Variants in SPOP observed in about 807,000 individuals in gnomAD.
SPOP encodes speckle-type POZ protein.
A neutral mutation model predicts 45.6 loss-of-function variants in SPOP; 11 were observed. That is an observed-to-expected ratio of 0.24 (90% CI 0.15 to 0.40). The LOEUF is 0.40. Ranked by LOEUF, SPOP falls within the 10% of genes least tolerant of loss-of-function variation. The pLI is 1.00. For missense variants in SPOP, 152 were observed against 465.6 expected (o/e 0.33, Z 6.20); for synonymous variants, 166 against 166.3 (o/e 1.00, Z 0.01).
chr17:49,645,960 T>G (rs905889808), intron 1 of SPOP, among the ~76,000 whole-genome samples: 2 of 152,008 alleles, frequency 1.3e-5, no homozygotes, highest in Non-Finnish European at 2.9e-5. Flanking sequence ...TTTTCACTTC[T>G]TAAAGGAAAA....
At chr17:49,615,515 T>TA (rs1482852331) in intron 5 of SPOP, among the ~76,000 whole-genome samples, 39 of 152,238 alleles carry the variant, frequency 2.6e-4, no homozygotes, top group African/African-American at 7.7e-4. Context: ...TTTATTTATT[T>TA]TTTAACAGAC....
At chr17:49,622,924 C>A in intron 1 of SPOP, 48 bp from the exon 2 acceptor site, 1 of 843,704 alleles carries the variant, frequency 1.2e-6, no homozygotes. Flanking sequence ...TATTAAGATA[C>A]GATCCTAACT....
At chr17:49,608,728 C>A (rs1263329001) in intron 6 of SPOP, among the ~76,000 whole-genome samples, 1 of 152,098 alleles carries the variant, frequency 6.6e-6, no homozygotes, top group Non-Finnish European at 1.5e-5. Context: ...GCTAAGAACT[C>A]AAATTTGTTC....
chr17:49,673,204 A>G (rs1363190229), intron 1 of SPOP, among the ~76,000 whole-genome samples: 1 of 152,094 alleles, frequency 6.6e-6, no homozygotes, highest in Non-Finnish European at 1.5e-5. Context: ...AAAAATTTAT[A>G]TATTTAAATA....
At chr17:49,608,052 C>A in intron 6 of SPOP, 123 bp from the exon 7 acceptor site, 4 of 616,368 alleles carry the variant, frequency 6.5e-6, no homozygotes, top group South Asian at 3.5e-5. Flanking sequence ...GTCTCTACCT[C>A]AATTTACATC....
chr17:49,618,344 G>A (rs1376495719), intron 5 of SPOP, among the ~76,000 whole-genome samples: 1 of 152,180 alleles, frequency 6.6e-6, no homozygotes, highest in Admixed American at 6.5e-5. Flanking sequence ...CTCATTCTTG[G>A]TTTGGGAATT....
intron 1 of SPOP, among the ~76,000 whole-genome samples, chr17:49,666,280 G>C (rs1271582352): frequency 6.6e-6 from 1 of 151,624 alleles, no homozygotes; most frequent in Non-Finnish European, 1.5e-5. Context: ...ATATTTCAGG[G>C]TTATCTTTAT....
At chr17:49,624,351 A>G (rs1249117573) in intron 1 of SPOP, among the ~76,000 whole-genome samples, 1 of 151,956 alleles carries the variant, frequency 6.6e-6, no homozygotes, top group East Asian at 1.9e-4. Context: ...ACACACACAC[A>G]CACACACACA....
chr17:49,618,958 C>A (rs764345128), intron 5 of SPOP, 23 bp downstream of exon 5: 2 of 1,605,138 alleles, frequency 1.2e-6, no homozygotes, highest in East Asian at 2.2e-5. Context: ...AACTGCTAGT[C>A]TCAGCAGAAT....
intron 1 of SPOP, among the ~76,000 whole-genome samples, chr17:49,623,748 G>A (rs538458973): frequency 6.6e-6 from 1 of 151,902 alleles, no homozygotes; most frequent in Admixed American, 6.6e-5. Flanking sequence ...GTCATCACTC[G>A]ATATTTCAGA....
intron 1 of SPOP, among the ~76,000 whole-genome samples, chr17:49,657,687 GCA>G: frequency 8.6e-6 from 1 of 115,658 alleles, no homozygotes; most frequent in East Asian, 2.7e-4. Context: ...ATGAGCCACC[GCA>G]CCCGGCCTTT....
intron 1 of SPOP, 137 bp from the exon 2 acceptor site, chr17:49,623,013 T>C: frequency 2.0e-6 from 1 of 499,884 alleles, no homozygotes; most frequent in East Asian, 3.5e-5. Context: ...TCCTAAAATT[T>C]TTTTTTTTTT....
At chr17:49,654,376 C>A (rs2072880285) in intron 1 of SPOP, among the ~76,000 whole-genome samples, 1 of 152,210 alleles carries the variant, frequency 6.6e-6, no homozygotes, top group Admixed American at 6.5e-5. Flanking sequence ...TACAGGTATG[C>A]TGCCACCACA....
rs2071708485 is a variant in SPOP at position 49,599,930 on chromosome 17, A to G, written c.*448T>C. 4.3e-6 allele frequency: 1 copy of G among 231,428 alleles called. No homozygotes were observed. The highest frequency in any genetic ancestry group is 5.3e-5 in the Admixed American group (1 of 19,030). The allele number at this position is 231,428 out of a possible 1,614,324, so 14.3% of individuals were successfully genotyped here. On this transcript the variant is annotated 3_prime_UTR_variant, in exon 10 of 10. Coordinates refer to ENST00000504102, the MANE Select transcript of SPOP (RefSeq NM_001007228.2). ...CAATATAAATACTACTGGAATCCAC[A>G]AACTGATTTTTGAGAAATTCTGCAA...
At chr17:49,642,889 T>C (rs78561895) in intron 1 of SPOP, among the ~76,000 whole-genome samples, 4,778 of 152,318 alleles carry the variant, frequency 0.031, 112 homozygotes, top group Middle Eastern at 0.078. Context: ...ATACATATAG[T>C]GCTTGTACTT....
intron 8 of SPOP, among the ~76,000 whole-genome samples, chr17:49,605,084 G>T (rs1436002876): frequency 6.6e-6 from 1 of 152,052 alleles, no homozygotes; most frequent in East Asian, 1.9e-4. Context: ...CTTATTTTGG[G>T]AATCACTGAC....
At chr17:49,675,144 C>A (rs542740195) in intron 1 of SPOP, among the ~76,000 whole-genome samples, 6 of 152,170 alleles carry the variant, frequency 3.9e-5, no homozygotes, top group African/African-American at 1.4e-4. Context: ...AGCGCTTCCA[C>A]TAGGAATTTA....
chr17:49,640,627 G>C (rs2143431445), intron 1 of SPOP, among the ~76,000 whole-genome samples: 1 of 152,102 alleles, frequency 6.6e-6, no homozygotes, highest in Middle Eastern at 3.4e-3. Flanking sequence ...GTATTTTTTG[G>C]TTTTACTAGT....
chr17:49,608,676 C>T (rs2071901983), intron 6 of SPOP, among the ~76,000 whole-genome samples: 1 of 152,060 alleles, frequency 6.6e-6, no homozygotes, highest in African/African-American at 2.4e-5. Flanking sequence ...CCAATGAACA[C>T]CATGAAAAAT....
Sources: gnomAD v4.1 joint callset for allele counts (sites outside exome capture counted in the v4.1 genomes callset) on GRCh38, gnomAD v4.1.1 for gene constraint, MANE v1.5 for transcripts, NCBI Gene and HGNC (gene_info 2026-07-23, HGNC 2026-07-21) for gene names.